BCL7C: variants seen among roughly 807,000 people sequenced by gnomAD.
BCL7C encodes B-cell CLL/lymphoma 7 protein family member C.
In BCL7C, 8 loss-of-function variants were observed where a neutral mutation model predicts 26.2. That is an observed-to-expected ratio of 0.30 (90% confidence interval 0.18 to 0.55). BCL7C has a LOEUF of 0.55. Ranked by LOEUF, BCL7C falls within the 20% of genes least tolerant of loss-of-function variation. BCL7C has a pLI of 0.93. For synonymous variants in BCL7C, 90 were observed against 116.5 expected (o/e 0.77, Z 1.47); for missense variants, 262 against 298.5 (o/e 0.88, Z 0.90).
rs761688237 is a variant in BCL7C, at chr16:30,892,963, A to T, written c.172-15T>A. 6.2e-7 allele frequency: 1 copy of T among 1,608,034 alleles called. No individual in the cohort carries two copies. Among genetic ancestry groups the T allele is most frequent in the South Asian group, 1.1e-5 (1 of 90,804 alleles). The stretch of plus-strand genomic sequence containing the variant: ...CGCCTTCGCTCCTGGGGGTTAGAGG[A>T]TTAGGGTCAGAGCTCTTGGAAAGCC... On this transcript the variant is annotated splice_polypyrimidine_tract_variant and intron_variant, in intron 2 of 5. Coordinates refer to ENST00000215115, the MANE Select transcript of BCL7C (RefSeq NM_004765.4).
intron 5 of BCL7C, chr16:30,851,847 A>G (rs552198582): frequency 2.3e-5 from 6 of 256,110 alleles, no homozygotes; most frequent in Non-Finnish European, 3.1e-5. Context: ...TATAAAATCG[A>G]CTTTTTGTCA....
At chr16:30,842,960 T>C (rs2054611774) in intron 5 of BCL7C, among the ~76,000 whole-genome samples, 1 of 152,164 alleles carries the variant, frequency 6.6e-6, no homozygotes, top group Admixed American at 6.5e-5. Context: ...TGGTTTTAAC[T>C]GAAGTAAAAT....
At chr16:30,853,583 A>C (rs2054695304) in intron 5 of BCL7C, among the ~76,000 whole-genome samples, 2 of 152,200 alleles carry the variant, frequency 1.3e-5, no homozygotes, top group African/African-American at 4.8e-5. Context: ...TAAACAGATA[A>C]TGCACCATGA....
intron 5 of BCL7C, among the ~76,000 whole-genome samples, chr16:30,871,862 TGAG>T (rs1012761035): frequency 6.6e-6 from 1 of 152,084 alleles, no homozygotes; most frequent in Admixed American, 6.6e-5. Flanking sequence ...CTAAGTTGAG[TGAG>T]ACCAGATGGA....
intron 5 of BCL7C, among the ~76,000 whole-genome samples, chr16:30,841,683 T>C (rs1318903046): frequency 6.7e-6 from 1 of 149,770 alleles, no homozygotes; most frequent in African/African-American, 2.5e-5. Flanking sequence ...TGGCCGGGCA[T>C]GGTGGCTCAC....
At chr16:30,858,501 G>C (rs2151370045) in intron 5 of BCL7C, among the ~76,000 whole-genome samples, 1 of 152,220 alleles carries the variant, frequency 6.6e-6, no homozygotes, top group African/African-American at 2.4e-5. Flanking sequence ...GTCAAAATAA[G>C]GGCTTAAGGG....
intron 5 of BCL7C, among the ~76,000 whole-genome samples, chr16:30,867,611 G>A (rs1381283913): frequency 2.0e-5 from 3 of 152,034 alleles, no homozygotes; most frequent in Non-Finnish European, 4.4e-5. Context: ...TGGCCAACAT[G>A]GTGAAACCCC....
chr16:30,888,786 G>A (rs1174759514), intron 5 of BCL7C, 74 bp downstream of exon 5: 12 of 1,423,226 alleles, frequency 8.4e-6, no homozygotes, highest in East Asian at 4.6e-5. Context: ...CAGGACGCAG[G>A]CTCCAAGCCT....
chr16:30,885,873 A>G (rs189076469), downstream of BCL7C, among the ~76,000 whole-genome samples: 1 of 152,162 alleles, frequency 6.6e-6, no homozygotes, highest in Non-Finnish European at 1.5e-5. Context: ...TTGTTTAGAC[A>G]CAGGGTCTTG....
intron 5 of BCL7C, among the ~76,000 whole-genome samples, chr16:30,866,784 C>T (rs980430799): frequency 3.3e-5 from 5 of 151,958 alleles, no homozygotes; most frequent in South Asian, 2.1e-4. Flanking sequence ...CTGGGCGTGC[C>T]GTCTCATGCC....
intron 5 of BCL7C, among the ~76,000 whole-genome samples, chr16:30,836,793 A>AT (rs564433973): frequency 0.023 from 3,174 of 137,584 alleles, 79 homozygotes; most frequent in African/African-American, 0.067. Context: ...ATCTCTTTGT[A>AT]TTTTTTTTTT....
chr16:30,878,332 C>A (rs11648125), intron 5 of BCL7C, among the ~76,000 whole-genome samples: 10,331 of 151,600 alleles, frequency 0.068, 465 homozygotes, highest in Non-Finnish European at 0.11. Context: ...AGATTGAGAC[C>A]ATCCTGGCTA....
At chr16:30,884,112 G>A (rs148541384), downstream of BCL7C, among the ~76,000 whole-genome samples, 6 of 138,328 alleles carry the variant, frequency 4.3e-5, no homozygotes, top group South Asian at 4.7e-4. Context: ...GCGACAGAGC[G>A]AAACTCCGTC....
chr16:30,885,226 T>C (rs1017084542), downstream of BCL7C, among the ~76,000 whole-genome samples: 1 of 152,002 alleles, frequency 6.6e-6, no homozygotes, highest in Non-Finnish European at 1.5e-5. Context: ...GCAGGAGAGT[T>C]AGAGAAGATG....
chr16:30,837,840 T>C (rs1321505635), intron 5 of BCL7C, among the ~76,000 whole-genome samples: 5 of 152,188 alleles, frequency 3.3e-5, no homozygotes, highest in Non-Finnish European at 7.3e-5. Flanking sequence ...GTCAGTTGAC[T>C]GGCACATGCT....
chr16:30,893,142 G>A lies in BCL7C; in HGVS notation c.171+70C>T. Reference sequence around the variant, plus strand: ...GAGGTCTCGGGGAGCTGGAGGTAGAGGTCAGCGTGGGGAGGAACTTGCCTG... The same window carrying A: ...GAGGTCTCGGGGAGCTGGAGGTAGAAGTCAGCGTGGGGAGGAACTTGCCTG... On this transcript the variant is annotated intron_variant, in intron 2 of 5. Coordinates refer to ENST00000215115, the MANE Select transcript of BCL7C (RefSeq NM_004765.4). The surrounding 1 kb of genome is among the most constrained non-coding windows in gnomAD (Gnocchi z 5.2). 2 of 1,504,874 alleles carry A rather than the reference G, an allele frequency of 1.3e-6. No homozygotes were observed. Among genetic ancestry groups the A allele is most frequent in the African/African-American group, 1.4e-5 (1 of 72,796 alleles). 93.2% of individuals were successfully genotyped at this position (1,504,874 alleles called of 1,614,324 possible). A position where few individuals can be genotyped will look rare whatever the true frequency, so the allele number is the denominator to read the frequency against.
chr16:30,840,214 G>GTTTT (rs553947722), intron 5 of BCL7C, among the ~76,000 whole-genome samples: 65 of 113,062 alleles, frequency 5.7e-4, no homozygotes, highest in Non-Finnish European at 6.8e-4. Flanking sequence ...ATTCCAAGTT[G>GTTTT]TTTTTTTTTT....
At chr16:30,836,028 G>A (rs1398000558) in intron 5 of BCL7C, among the ~76,000 whole-genome samples, 3 of 151,390 alleles carry the variant, frequency 2.0e-5, no homozygotes, top group Admixed American at 6.6e-5. Flanking sequence ...TGAGGTGGGC[G>A]GATCACTTGA....
At chr16:30,867,045 C>T (rs2878304) in intron 5 of BCL7C, among the ~76,000 whole-genome samples, 109,637 of 152,050 alleles carry the variant, frequency 0.72, 40,067 homozygotes, top group East Asian at 0.91. Context: ...CAGGGAGATA[C>T]CCTGTCTCAA....
Sources: allele counts gnomAD v4.1 joint callset (sites outside exome capture counted in the v4.1 genomes callset), GRCh38; gene constraint gnomAD v4.1.1; non-coding constraint Gnocchi (gnomAD v3.1); transcripts MANE v1.5; gene names NCBI Gene and HGNC (gene_info 2026-07-23, HGNC 2026-07-21).